The following RAB2A variants were observed in gnomAD, a reference collection of about 807,000 sequenced individuals.
RAB2A encodes the protein RAB2A, member RAS oncogene family, also known as ras-related protein Rab-2A.
In RAB2A, 7 loss-of-function variants were observed where a neutral mutation model predicts 32.5. That is an observed-to-expected ratio of 0.22 (90% CI 0.12 to 0.40). The LOEUF (loss-of-function observed/expected upper bound fraction) is 0.40. Among genes scored for constraint, RAB2A ranks in the 10% least tolerant of loss-of-function variants. The probability of loss-of-function intolerance (pLI) is 1.00; values close to 1 mark genes in which losing one functional copy is unlikely to be tolerated. For synonymous variants in RAB2A, 79 were observed against 85.2 expected (o/e 0.93, Z 0.40); for missense variants, 108 against 260.7 (o/e 0.41, Z 4.03).
At position 60,620,803 on chromosome 8, in the gene RAB2A, C is replaced by CT; in HGVS notation, c.*35dup. 6.4e-7 allele frequency: 1 copy of CT among 1,570,230 alleles called. No individual in the cohort carries two copies. Among genetic ancestry groups the CT allele is most frequent in the African/African-American group, 1.4e-5 (1 of 73,170 alleles). The stretch of plus-strand genomic sequence containing the variant: ...TTACTGTCTAGCTGCCCAACGGGGC[C>CT]TACTCACTTATTCTTTCACCCCCTC... On this transcript the variant is annotated 3_prime_UTR_variant, in exon 8 of 8. Transcript: ENST00000262646.
At chr8:60,539,161 G>T (rs1254339564) in intron 1 of RAB2A, among the ~76,000 whole-genome samples, 1 of 152,178 alleles carries the variant, frequency 6.6e-6, no homozygotes, top group African/African-American at 2.4e-5. Flanking sequence ...AGTCCACTGT[G>T]CAAGGTCGTT....
intron 2 of RAB2A, among the ~76,000 whole-genome samples, chr8:60,568,760 G>A (rs1003070521): frequency 6.6e-6 from 1 of 152,158 alleles, no homozygotes; most frequent in African/African-American, 2.4e-5. Flanking sequence ...GACAATGTCA[G>A]GTAAATGAGG....
At chr8:60,595,213 T>G (rs1200271865) in intron 6 of RAB2A, among the ~76,000 whole-genome samples, 1 of 152,192 alleles carries the variant, frequency 6.6e-6, no homozygotes, top group Non-Finnish European at 1.5e-5. Flanking sequence ...TATGATAGAC[T>G]TTTTTCTTCA....
rs371587678 is a variant in RAB2A, at chr8:60,567,746, TG to T, written c.119-4299del. ...AGTTTGGAGATTGTATAGATTTTGT[TG>T]TTATTGTAAGTAAATTTTTTTCATC... On this transcript the variant is annotated intron_variant, in intron 2 of 7. Transcript: ENST00000262646. Among the ~76,000 whole-genome samples the T allele has an allele frequency of 8.8e-4, 132 of 150,734 alleles. 3 individuals are homozygous for T. The East Asian group carries it at 0.019, about 22-fold the overall frequency.
chr8:60,582,387 TAGG>T (rs752715942), intron 3 of RAB2A, among the ~76,000 whole-genome samples: 31 of 152,318 alleles, frequency 2.0e-4, no homozygotes, highest in Non-Finnish European at 3.8e-4. Flanking sequence ...ATTTTCCACA[TAGG>T]AGAAGTTATT....
intron 1 of RAB2A, among the ~76,000 whole-genome samples, chr8:60,549,367 C>G (rs1317997163): frequency 3.9e-5 from 6 of 152,168 alleles, no homozygotes; most frequent in Non-Finnish European, 7.3e-5. Context: ...ACTGAGTGAA[C>G]GAGACTCCGT....
At chr8:60,556,310 T>A (rs1356735955) in intron 1 of RAB2A, among the ~76,000 whole-genome samples, 1 of 152,148 alleles carries the variant, frequency 6.6e-6, no homozygotes, top group Non-Finnish European at 1.5e-5. Context: ...AGGGTGACTA[T>A]GATTAATAAT....
chr8:60,564,695 C>T (rs1425464024), intron 2 of RAB2A, among the ~76,000 whole-genome samples: 3 of 152,038 alleles, frequency 2.0e-5, no homozygotes, highest in African/African-American at 7.2e-5. Flanking sequence ...ATACCCATAC[C>T]GCATTCATAC....
intron 5 of RAB2A, among the ~76,000 whole-genome samples, chr8:60,586,867 T>G (rs1185105293): frequency 6.6e-6 from 1 of 151,094 alleles, no homozygotes; most frequent in African/African-American, 2.4e-5. Flanking sequence ...AGCTCAAGGT[T>G]GCAGTGAGCT....
chr8:60,618,056 A>T (rs1030594289), intron 6 of RAB2A, among the ~76,000 whole-genome samples: 23 of 152,174 alleles, frequency 1.5e-4, no homozygotes, highest in African/African-American at 5.6e-4. Flanking sequence ...TCAGTACTTC[A>T]TTCCTTTTTA....
chr8:60,585,282 T>TTTTTTG (rs1554556808), intron 5 of RAB2A, among the ~76,000 whole-genome samples: 5 of 148,538 alleles, frequency 3.4e-5, no homozygotes, highest in African/African-American at 1.3e-4. Flanking sequence ...GGCACCATTC[T>TTTTTTG]TTTTGTTTTG....
intron 1 of RAB2A, among the ~76,000 whole-genome samples, chr8:60,542,732 G>T (rs980017937): frequency 2.0e-5 from 3 of 152,170 alleles, no homozygotes; most frequent in Admixed American, 6.5e-5. Flanking sequence ...GGGAAAGAGG[G>T]TAGAGGGTTA....
intron 3 of RAB2A, 170 bp from the exon 4 acceptor site, chr8:60,584,038 T>A (rs1803808454): frequency 7.1e-6 from 4 of 560,968 alleles, no homozygotes; most frequent in Non-Finnish European, 1.3e-5. Context: ...TTGAGCAATC[T>A]TGAGCAATAG....
chr8:60,589,644 G>C (rs1175868573), intron 5 of RAB2A, among the ~76,000 whole-genome samples: 1 of 152,152 alleles, frequency 6.6e-6, no homozygotes, highest in Non-Finnish European at 1.5e-5. Context: ...TTAAAAGAAA[G>C]ATACTTAAGT....
chr8:60,534,119 G>A (rs558624791), intron 1 of RAB2A, among the ~76,000 whole-genome samples: 10 of 152,286 alleles, frequency 6.6e-5, no homozygotes, highest in Admixed American at 5.2e-4. Flanking sequence ...AAATATGTAC[G>A]AAGTTCTAAA....
chr8:60,559,043 C>T (rs757344875), intron 2 of RAB2A, 120 bp downstream of exon 2: 43 of 704,354 alleles, frequency 6.1e-5, no homozygotes, highest in South Asian at 4.5e-4. Flanking sequence ...TTTGTTGTTA[C>T]GCTGTTTAAT....
chr8:60,568,754 A>G (rs73259488), intron 2 of RAB2A, among the ~76,000 whole-genome samples: 12,472 of 152,252 alleles, frequency 0.082, 1,551 homozygotes, highest in African/African-American at 0.27. Flanking sequence ...CTCCCCGACA[A>G]TGTCAGGTAA....
intron 6 of RAB2A, among the ~76,000 whole-genome samples, chr8:60,598,669 G>A (rs950904670): frequency 9.9e-5 from 15 of 151,938 alleles, no homozygotes; most frequent in African/African-American, 3.4e-4. Context: ...GAGAAACCAC[G>A]TGATTATAGC....
chr8:60,536,451 C>G (rs1807557062), intron 1 of RAB2A, among the ~76,000 whole-genome samples: 1 of 152,022 alleles, frequency 6.6e-6, no homozygotes, highest in South Asian at 2.1e-4. Context: ...TTGATATATA[C>G]TATCATGAAA....
Sources: gnomAD v4.1 joint callset for allele counts (sites outside exome capture counted in the v4.1 genomes callset) on GRCh38, gnomAD v4.1.1 for gene constraint, MANE v1.5 for transcripts, NCBI Gene and HGNC (gene_info 2026-07-23, HGNC 2026-07-21) for gene names.